The following CSMD1 variants were observed in gnomAD, a reference collection of about 807,000 sequenced individuals.
CSMD1 encodes CUB and sushi domain-containing protein 1.
CSMD1 carries 213 observed loss-of-function variants against 417.5 expected under a neutral mutation model. The observed-to-expected ratio is 0.51, with a 90% CI of 0.46 to 0.57. The LOEUF (loss-of-function observed/expected upper bound fraction) is 0.57. CSMD1 is among the 20% of genes least tolerant of loss of function. CSMD1 has a pLI of 0.00. For synonymous variants in CSMD1, 2,862 were observed against 1,736.8 expected (o/e 1.65, Z -16.11); for missense variants, 6,923 against 4,529.7 (o/e 1.53, Z -15.17).
chr8:4,479,505 C>T (rs916235645), intron 2 of CSMD1, among the ~76,000 whole-genome samples: 2 of 152,192 alleles, frequency 1.3e-5, no homozygotes, highest in Non-Finnish European at 2.9e-5. Context: ...TCAGTAGTTT[C>T]ATAAATACCT....
At chr8:4,801,553 A>G (rs1007102719) in intron 1 of CSMD1, among the ~76,000 whole-genome samples, 1 of 152,152 alleles carries the variant, frequency 6.6e-6, no homozygotes, top group African/African-American at 2.4e-5. Flanking sequence ...AATCTTTTCT[A>G]TTAATTTAAC....
At chr8:3,353,196 T>G (rs1285397723) in intron 21 of CSMD1, among the ~76,000 whole-genome samples, 2 of 152,226 alleles carry the variant, frequency 1.3e-5, no homozygotes, top group African/African-American at 4.8e-5. Flanking sequence ...TAGGAAAGTG[T>G]TGCTGCTGAG....
intron 4 of CSMD1, among the ~76,000 whole-genome samples, chr8:4,009,093 G>T (rs960418559): frequency 6.6e-6 from 1 of 152,076 alleles, no homozygotes; most frequent in Non-Finnish European, 1.5e-5. Flanking sequence ...AGAAAATGTT[G>T]TGCAGTTAAA....
intron 14 of CSMD1, among the ~76,000 whole-genome samples, chr8:3,407,191 GATGA>G (rs1378137654): frequency 6.6e-6 from 1 of 151,624 alleles, no homozygotes; most frequent in African/African-American, 2.4e-5. Flanking sequence ...GAAGGATATG[GATGA>G]ATGGATGGAT....
At chr8:4,620,738 G>C (rs951549040) in intron 2 of CSMD1, among the ~76,000 whole-genome samples, 1 of 151,580 alleles carries the variant, frequency 6.6e-6, no homozygotes, top group African/African-American at 2.4e-5. Context: ...TAAAATGTTT[G>C]GCAAATAAAT....
At chr8:4,354,865 AGTGTGTGTGTGTGTGT>A (rs59255397) in intron 3 of CSMD1, among the ~76,000 whole-genome samples, 21 of 129,504 alleles carry the variant, frequency 1.6e-4, no homozygotes, top group South Asian at 2.9e-4. Context: ...AGGAAAATGT[AGTGTGTGTGTGTGTGT>A]GTGTGTGTGT....
At chr8:4,370,059 CAG>C (rs1802310918) in intron 3 of CSMD1, among the ~76,000 whole-genome samples, 1 of 151,830 alleles carries the variant, frequency 6.6e-6, no homozygotes, top group Non-Finnish European at 1.5e-5. Flanking sequence ...GTATGTGCTT[CAG>C]TGTGTTTTTC....
intron 55 of CSMD1, among the ~76,000 whole-genome samples, chr8:2,978,243 G>T (rs1805099497): frequency 6.6e-6 from 1 of 152,194 alleles, no homozygotes; most frequent in South Asian, 2.1e-4. Flanking sequence ...CTGAGCGAGA[G>T]TAAGACGCCT....
chr8:3,748,425 T>A (rs765279043), intron 6 of CSMD1, among the ~76,000 whole-genome samples: 9 of 152,158 alleles, frequency 5.9e-5, no homozygotes, highest in Non-Finnish European at 8.8e-5. Context: ...GAGGCCCATG[T>A]GGAGGTTTCT....
chr8:4,700,063 C>A (rs1807421079), intron 1 of CSMD1, among the ~76,000 whole-genome samples: 1 of 152,130 alleles, frequency 6.6e-6, no homozygotes, highest in Non-Finnish European at 1.5e-5. Context: ...CCACTGAGTC[C>A]TTTTCCTAAT....
intron 6 of CSMD1, among the ~76,000 whole-genome samples, chr8:3,743,057 G>A (rs967230362): frequency 2.6e-5 from 4 of 152,176 alleles, no homozygotes; most frequent in African/African-American, 7.2e-5. Flanking sequence ...CATGGTCCCT[G>A]TATGGCAGCT....
At chr8:3,355,654 G>A (rs1808731970) in intron 21 of CSMD1, among the ~76,000 whole-genome samples, 1 of 152,156 alleles carries the variant, frequency 6.6e-6, no homozygotes, top group Admixed American at 6.5e-5. Context: ...AAGCCACCCA[G>A]TGCTTTACCC....
intron 11 of CSMD1, among the ~76,000 whole-genome samples, chr8:3,476,429 A>C (rs765892130): frequency 2.0e-5 from 3 of 152,168 alleles, no homozygotes; most frequent in Non-Finnish European, 4.4e-5. Context: ...ACATGGTATA[A>C]AATTTTTCTA....
intron 3 of CSMD1, among the ~76,000 whole-genome samples, chr8:4,411,507 C>A (rs1312860047): frequency 6.6e-6 from 1 of 152,180 alleles, no homozygotes; most frequent in Non-Finnish European, 1.5e-5. Flanking sequence ...AATATTCATT[C>A]CCACATTATC....
At chr8:3,693,657 T>A (rs926153310) in intron 7 of CSMD1, among the ~76,000 whole-genome samples, 1 of 152,162 alleles carries the variant, frequency 6.6e-6, no homozygotes. Context: ...TATGTAGTTA[T>A]TAGGTAATAA....
At chr8:3,446,153 C>T (rs1433182733) in intron 12 of CSMD1, among the ~76,000 whole-genome samples, 2 of 152,040 alleles carry the variant, frequency 1.3e-5, no homozygotes, top group Non-Finnish European at 2.9e-5. Context: ...AAGGAAATTG[C>T]CATGGCCCCA....
intron 3 of CSMD1, among the ~76,000 whole-genome samples, chr8:4,096,328 C>G (rs188014938): frequency 2.5e-4 from 38 of 152,172 alleles, no homozygotes; most frequent in African/African-American, 8.2e-4. Context: ...AGGAAACAAC[C>G]CAGAAATAGG....
At chr8:4,039,438 AT>A (rs2130623647) in intron 3 of CSMD1, among the ~76,000 whole-genome samples, 1 of 152,306 alleles carries the variant, frequency 6.6e-6, no homozygotes, top group East Asian at 1.9e-4. Context: ...AAAAAATCGG[AT>A]TTCCTAGTCT....
intron 37 of CSMD1, among the ~76,000 whole-genome samples, chr8:3,162,661 C>T (rs1306920147): frequency 6.6e-6 from 1 of 150,746 alleles, no homozygotes; most frequent in Non-Finnish European, 1.5e-5. Context: ...TTCAAGCATA[C>T]TTAGCAGTCT....
Sources: gnomAD v4.1 joint callset for allele counts (sites outside exome capture counted in the v4.1 genomes callset) on GRCh38, gnomAD v4.1.1 for gene constraint, MANE v1.5 for transcripts, NCBI Gene and HGNC (gene_info 2026-07-23, HGNC 2026-07-21) for gene names.